LRP1: variants seen among roughly 807,000 people sequenced by gnomAD.
LRP1 encodes the protein prolow-density lipoprotein receptor-related protein 1.
LRP1 carries 51 observed loss-of-function variants against 541.5 expected under a neutral mutation model. That is an observed-to-expected ratio of 0.09 (90% CI 0.08 to 0.12). LRP1 has a LOEUF of 0.12. Ranked by LOEUF, LRP1 falls within the 10% of genes least tolerant of loss-of-function variation. LRP1 has a pLI of 1.00. For synonymous variants in LRP1, 2,219 were observed against 2,470.8 expected (o/e 0.90, Z 3.02); for missense variants, 3,878 against 6,376.2 (o/e 0.61, Z 13.34).
In LRP1 at chr12:57,201,598, A is replaced by G. The variant is rs2036656967; in HGVS notation, c.10447A>G (p.Ser3483Gly). 1 of 1,613,468 alleles carries G rather than the reference A, an allele frequency of 6.2e-7. No individual in the cohort carries two copies. The highest frequency in any genetic ancestry group is 8.5e-7 in the Non-Finnish European group (1 of 1,179,562). Residue 3483 changes from serine to glycine, a missense_variant, in exon 66 of 89, where the codon AGT (serine) becomes GGT (glycine). Physicochemically the swap from Ser to Gly is moderately conservative, Grantham distance 56. Transcript: ENST00000243077. The surrounding 1 kb of genome is among the most constrained non-coding windows in gnomAD (Gnocchi z 6.4). ...CCGGGACAATGACTGTGTGGATGGC[A>G]GTGATGAGCCCGCCAACTGCAGTGA... ...CDRDNDCVDGSDEPANCTQMT... is the reference protein window; with the variant it reads ...CDRDNDCVDGGDEPANCTQMT...
At chr12:57,167,746 C>T (rs771576375) in intron 19 of LRP1, among the ~76,000 whole-genome samples, 3 of 152,252 alleles carry the variant, frequency 2.0e-5, no homozygotes, top group African/African-American at 7.2e-5. Flanking sequence ...ATTCCTACCC[C>T]AGGCAGGGCC....
Position 57,141,369 on chromosome 12 carries a change from C to T in LRP1, c.191-5C>T. 6.2e-7 allele frequency: 1 copy of T among 1,614,148 alleles called. No homozygotes were observed. Among genetic ancestry groups the T allele is most frequent in the Non-Finnish European group, 8.5e-7 (1 of 1,180,018 alleles). ...GTTCATGCCCACCCTTCTGTCTGCC[C>T]TCAGGTCCACAGAGTAAGGCCCAGC... On this transcript the variant is annotated splice_polypyrimidine_tract_variant and splice_region_variant and intron_variant, in intron 2 of 88. Transcript: ENST00000243077.
chr12:57,165,827 A>G lies in LRP1; in HGVS notation c.2553A>G (p.Pro851=). ...CAGCGAACCCATCCTACGTGCCTCCACCCCAGTGCCAGCCAGGCGAGTTTG... is the reference window on the plus strand; with the variant it reads ...CAGCGAACCCATCCTACGTGCCTCCGCCCCAGTGCCAGCCAGGCGAGTTTG... ...TCLANPSYVP[P]PQCQPGEFAC... The change falls in exon 16 of 89, where the codon CCA becomes CCG. Residue 851 remains proline, a synonymous_variant. Coordinates refer to ENST00000243077, the MANE Select transcript of LRP1 (RefSeq NM_002332.3). The surrounding 1 kb of genome is among the most constrained non-coding windows in gnomAD (Gnocchi z 4.5). The G allele has an allele frequency of 6.2e-7, 1 of 1,614,122 alleles. No homozygotes were observed. The highest frequency in any genetic ancestry group is 1.3e-5 in the African/African-American group (1 of 75,014).
intron 1 of LRP1, among the ~76,000 whole-genome samples, chr12:57,131,364 A>G (rs1336962054): frequency 6.6e-6 from 1 of 152,164 alleles, no homozygotes; most frequent in Non-Finnish European, 1.5e-5. Context: ...GGGGTGGAGA[A>G]TGGGACTATT....
In LRP1 at chr12:57,162,478, C is replaced by T; in HGVS notation, c.2364C>T (p.Pro788=). The part of the protein sequence containing the change: ...TVTLLRSERP[P]IFEIRMYDAQ... ...CCCTTCTGCGCAGTGAGCGGCCCCC[C>T]ATCTTTGAGATCCGAATGTATGATG... The change falls in exon 14 of 89, where the codon CCC becomes CCT. Residue 788 remains proline (P), a synonymous_variant. Coordinates refer to ENST00000243077, the MANE Select transcript of LRP1 (RefSeq NM_002332.3). This position sits in a 1 kb window ranked among gnomAD's most constrained non-coding sequence, Gnocchi z 5.2. 7 of 1,614,088 alleles carry T rather than the reference C, an allele frequency of 4.3e-6. No individual in the cohort carries two copies. Among genetic ancestry groups the T allele is most frequent in the East Asian group, 4.5e-5 (2 of 44,870 alleles).
chr12:57,156,431 T>C lies in LRP1; in HGVS notation c.1417+148T>C. 1 of 866,182 alleles carries C rather than the reference T, an allele frequency of 1.2e-6. No individual in the cohort carries two copies. The highest frequency in any genetic ancestry group is 1.8e-5 in the South Asian group (1 of 55,888). The allele number at this position is 866,182 out of a possible 1,614,324, so 53.7% of individuals were successfully genotyped here. On this transcript the variant is annotated intron_variant, in intron 9 of 88. Coordinates refer to ENST00000243077, the MANE Select transcript of LRP1 (RefSeq NM_002332.3). The surrounding 1 kb of genome is among the most constrained non-coding windows in gnomAD (Gnocchi z 5.2). ...GATTCTCCTAGCCAGCCACTCGGGC[T>C]ACCTGCCCTGGCCCCTCAGCTTCCC... is the stretch of plus-strand genomic sequence containing the variant.
Position 57,206,537 on chromosome 12 carries a change from C to T in LRP1, c.11655C>T (p.His3885=), listed in dbSNP as rs146553746. 3 of 1,614,048 alleles carry T rather than the reference C, an allele frequency of 1.9e-6. No homozygotes were observed. Among genetic ancestry groups the T allele is most frequent in the African/African-American group, 2.7e-5 (2 of 74,914 alleles). Residue 3885 remains histidine, a synonymous_variant, in exon 76 of 89, where the codon CAC becomes CAT. Transcript: ENST00000243077. The surrounding 1 kb of genome is among the most constrained non-coding windows in gnomAD (Gnocchi z 4.7). Reference sequence around the variant, plus strand: ...AGATCCGCAGCCTGTTCCCCGGCCACCCCCATTCGGCTTACGAGCAGGCAT... The same window carrying T: ...AGATCCGCAGCCTGTTCCCCGGCCATCCCCATTCGGCTTACGAGCAGGCAT... The part of the protein sequence containing the change: ...DNEIRSLFPG[H]PHSAYEQAFQ...
chr12:57,212,390 A>G lies in LRP1; in HGVS notation c.13495-25A>G. ...GCTACAGGCCCAGCTCCTGAGCCCT[A>G]CCTGAACCCTCTGTCACCCTGCAGC... On this transcript the variant is annotated intron_variant, in intron 88 of 88. Coordinates refer to ENST00000243077, the MANE Select transcript of LRP1 (RefSeq NM_002332.3). This position sits in a 1 kb window ranked among gnomAD's most constrained non-coding sequence, Gnocchi z 5.0. 1 of 1,613,912 alleles carries G rather than the reference A, an allele frequency of 6.2e-7. No individual in the cohort carries two copies. The highest frequency in any genetic ancestry group is 8.5e-7 in the Non-Finnish European group (1 of 1,179,972).
At chr12:57,191,605 C>A in intron 44 of LRP1, 93 bp downstream of exon 44, 1 of 1,142,300 alleles carries the variant, frequency 8.8e-7, no homozygotes, top group Non-Finnish European at 1.2e-6. Context: ...ACATACCACA[C>A]GCACCCTACA....
At chr12:57,129,316 T>G (rs1047510099) in intron 1 of LRP1, among the ~76,000 whole-genome samples, 1 of 152,066 alleles carries the variant, frequency 6.6e-6, no homozygotes, top group African/African-American at 2.4e-5. Context: ...AGGAGAGGCC[T>G]TCTTTTCCTA....
In LRP1 at chr12:57,194,667, A is replaced by G. The variant is rs772889897; in HGVS notation, c.8159A>G (p.Asp2720Gly). The G allele has an allele frequency of 6.3e-7, 1 of 1,594,524 alleles. No homozygotes were observed. Among genetic ancestry groups the G allele is most frequent in the Non-Finnish European group, 8.5e-7 (1 of 1,170,652 alleles). The change falls in exon 50 of 89, where the codon GAC becomes GGC. Residue 2720 changes from aspartate to glycine, a missense_variant. By Grantham distance (94) the Asp-to-Gly change is moderately conservative. Around this residue, in one of 13 missense-constraint regions of LRP1, gnomAD observed 1,100 missense variants for 1,827.4 expected, o/e 0.60. Coordinates refer to ENST00000243077, the MANE Select transcript of LRP1 (RefSeq NM_002332.3). ...AGCTGGACGTGTGACAAAGAGGATG[A>G]CTGTGAACATGGCGAGGACGAGACC... ...PMSWTCDKED[D>G]CEHGEDETHC...
At chr12:57,196,861 C>A (rs1592652975) in intron 55 of LRP1, 121 bp from the exon 56 acceptor site, 2 of 821,060 alleles carry the variant, frequency 2.4e-6, no homozygotes, top group East Asian at 5.3e-5. Context: ...GGGCTCAGTA[C>A]CCATATGCTG....
In LRP1 at chr12:57,197,248, C is replaced by T; in HGVS notation, c.9077-51C>T. Reference sequence around the variant, plus strand: ...GGCAGAGCTCCAGACAGGCAGGAGACCAGGGCCGCTAGAATGTGCCAGGAG... The same window carrying T: ...GGCAGAGCTCCAGACAGGCAGGAGATCAGGGCCGCTAGAATGTGCCAGGAG... On this transcript the variant is annotated intron_variant, in intron 56 of 88. Transcript: ENST00000243077. The surrounding 1 kb of genome is among the most constrained non-coding windows in gnomAD (Gnocchi z 4.5). 6.2e-7 allele frequency: 1 copy of T among 1,612,196 alleles called. No homozygotes were observed. The highest frequency in any genetic ancestry group is 8.5e-7 in the Non-Finnish European group (1 of 1,178,290).
Position 57,167,010 on chromosome 12 carries a change from G to A in LRP1, c.2878G>A (p.Asp960Asn). 2 of 1,614,128 alleles carry A rather than the reference G, an allele frequency of 1.2e-6. No individual in the cohort carries two copies. Among genetic ancestry groups the A allele is most frequent in the Non-Finnish European group, 8.5e-7 (1 of 1,180,016 alleles). ...PISWTCDLDD[D>N]CGDRSDESAS... ...CTCCTGGACGTGTGATCTGGATGACGACTGTGGGGACCGCTCTGATGAGTC... is the reference window on the plus strand; with the variant it reads ...CTCCTGGACGTGTGATCTGGATGACAACTGTGGGGACCGCTCTGATGAGTC... The change falls in exon 18 of 89, where the codon GAC becomes AAC. Residue 960 changes from aspartate (D) to asparagine (N), a missense_variant. By Grantham distance (23) the Asp-to-Asn change is conservative. Coordinates refer to ENST00000243077, the MANE Select transcript of LRP1 (RefSeq NM_002332.3).
intron 1 of LRP1, among the ~76,000 whole-genome samples, chr12:57,132,756 T>G (rs928054787): frequency 2.0e-5 from 3 of 152,192 alleles, no homozygotes; most frequent in Non-Finnish European, 4.4e-5. Flanking sequence ...CTCTGTCACT[T>G]GTCTTATTTT....
Position 57,180,106 on chromosome 12 carries a change from G to A in LRP1, c.5201G>A (p.Arg1734His), listed in dbSNP as rs779038590. 8 of 1,613,838 alleles carry A rather than the reference G, an allele frequency of 5.0e-6. No homozygotes were observed. Among genetic ancestry groups the A allele is most frequent in the South Asian group, 2.2e-5 (2 of 91,074 alleles). Residue 1734 changes from arginine (R) to histidine (H), a missense_variant, in exon 31 of 89, where the codon CGC becomes CAC. Arg to His is a conservative substitution (Grantham distance 29, BLOSUM62 0). Around this residue, in one of 13 missense-constraint regions of LRP1, gnomAD observed 394 missense variants for 635.9 expected, o/e 0.62. Coordinates refer to ENST00000243077, the MANE Select transcript of LRP1 (RefSeq NM_002332.3). ...ATGGCCAACATGGATGGCAGCAATC[G>A]CACCCTGCTCTTCAGTGGCCAGAAG... ...ISMANMDGSN[R>H]TLLFSGQKGP...
intron 6 of LRP1, chr12:57,146,427 G>C (rs2035407723): frequency 6.6e-6 from 1 of 152,212 alleles, no homozygotes; most frequent in Non-Finnish European, 1.5e-5. Context: ...ATTAACTGGA[G>C]TGAAAGCCAG....
At chr12:57,133,978 C>G (rs1290250007) in intron 1 of LRP1, among the ~76,000 whole-genome samples, 1 of 152,128 alleles carries the variant, frequency 6.6e-6, no homozygotes, top group African/African-American at 2.4e-5. Flanking sequence ...TTCCCCACCC[C>G]CAAGGTCCCA....
chr12:57,130,648 CA>C (rs979966477), intron 1 of LRP1, among the ~76,000 whole-genome samples: 8 of 152,172 alleles, frequency 5.3e-5, no homozygotes, highest in African/African-American at 1.9e-4. Context: ...AGAGACCCAT[CA>C]GGAGCCCCTT....
Sources: gnomAD v4.1 joint callset for allele counts (sites outside exome capture counted in the v4.1 genomes callset) on GRCh38, gnomAD v4.1.1 for gene constraint, gnomAD v4.1.1 regional missense constraint, Gnocchi (gnomAD v3.1) non-coding constraint, MANE v1.5 for transcripts, NCBI Gene and HGNC (gene_info 2026-07-23, HGNC 2026-07-21) for gene names.